LCOR: variants seen among roughly 807,000 people sequenced by gnomAD.
LCOR encodes ligand dependent nuclear receptor corepressor, also known as ligand-dependent corepressor.
In LCOR, 14 loss-of-function variants were observed where a neutral mutation model predicts 64.4. The ratio of observed to expected loss-of-function variants is 0.22; its 90% confidence interval spans 0.14 to 0.34. The LOEUF (loss-of-function observed/expected upper bound fraction) is 0.34. Among genes scored for constraint, LCOR ranks in the 10% least tolerant of loss-of-function variants. LCOR has a pLI of 1.00. For synonymous variants in LCOR, 643 were observed against 642.5 expected, an observed-to-expected ratio of 1.00 and a Z score of -0.01; for missense variants, 1,686 against 1,765.3, an observed-to-expected ratio of 0.96 and a Z score of 0.80.
chr10:96,980,262 C>T (rs142186337), intron 7 of LCOR, among the ~76,000 whole-genome samples: 140 of 152,110 alleles, frequency 9.2e-4, no homozygotes, highest in African/African-American at 3.2e-3. Context: ...TATAAACCCA[C>T]GATTATTTAA....
At chr10:96,966,937 C>T (rs1847957532) in intron 7 of LCOR, among the ~76,000 whole-genome samples, 1 of 152,130 alleles carries the variant, frequency 6.6e-6, no homozygotes, top group African/African-American at 2.4e-5. Flanking sequence ...GGTTTCAGTA[C>T]GTTGCCCTGG....
intron 4 of LCOR, among the ~76,000 whole-genome samples, chr10:96,928,921 G>C (rs1847211742): frequency 6.6e-6 from 1 of 152,178 alleles, no homozygotes; most frequent in African/African-American, 2.4e-5. Flanking sequence ...TTGTCAGTGA[G>C]CAGTAATATT....
chr10:96,887,365 A>G (rs1185176778), intron 2 of LCOR, among the ~76,000 whole-genome samples: 1 of 152,044 alleles, frequency 6.6e-6, no homozygotes, highest in Non-Finnish European at 1.5e-5. Flanking sequence ...CAGGAGATCG[A>G]GACCATCCTA....
intron 2 of LCOR, among the ~76,000 whole-genome samples, chr10:96,837,568 T>A (rs1845468577): frequency 1.3e-5 from 2 of 152,198 alleles, no homozygotes; most frequent in African/African-American, 2.4e-5. Flanking sequence ...AGATTCTTTT[T>A]TAAACCACCT....
Position 96,857,207 on chromosome 10 carries a change from ATAC to A in LCOR, c.-330+23732_-330+23734del, listed in dbSNP as rs574847339. Reference sequence around the variant, plus strand: ...AATAGTGTTGTAATTGTTGGTTATGATACTACAACCCACAAACATGATTTAAGT... The same window carrying A: ...AATAGTGTTGTAATTGTTGGTTATGATACAACCCACAAACATGATTTAAGT... On this transcript the variant is annotated intron_variant, in intron 2 of 7. Transcript: ENST00000421806. 3.5e-3 allele frequency among the ~76,000 whole-genome samples: 528 copies of A among 152,322 alleles called. 3 individuals carry two copies. The highest frequency in any genetic ancestry group is 0.012 in the African/African-American group (489 of 41,574).
chr10:96,886,117 A>G (rs1846339275), intron 2 of LCOR, among the ~76,000 whole-genome samples: 1 of 151,908 alleles, frequency 6.6e-6, no homozygotes, highest in Non-Finnish European at 1.5e-5. Flanking sequence ...GCTTCAAGTG[A>G]TCTGCCCCAC....
chr10:96,939,047 G>A (rs758412379), intron 4 of LCOR, among the ~76,000 whole-genome samples: 7 of 152,196 alleles, frequency 4.6e-5, no homozygotes, highest in Admixed American at 1.3e-4. Context: ...ACTTCAAATA[G>A]TCTAAACAGT....
chr10:96,870,224 G>T (rs1589619125), intron 2 of LCOR, among the ~76,000 whole-genome samples: 1 of 151,948 alleles, frequency 6.6e-6, no homozygotes, highest in South Asian at 2.1e-4. Flanking sequence ...GTTTCACCAG[G>T]ATGGTCTCAA....
In LCOR at chr10:96,912,644, C is replaced by CTTCCTTCCTTCCTTCCTTCA. The variant is rs34590277; in HGVS notation, c.-184+4899_-184+4900insCCTTCCTTCCTTCCTTCATT. Reference sequence around the variant, plus strand: ...CCTTCCTTCCTTCCTTCCTTCCTTCCTTTCCTTCTTTTTCCTTTTTGTAGT... The same window carrying CTTCCTTCCTTCCTTCCTTCA: ...CCTTCCTTCCTTCCTTCCTTCCTTCCTTCCTTCCTTCCTTCCTTCATTTCCTTCTTTTTCCTTTTTGTAGT... On this transcript the variant is annotated intron_variant, in intron 4 of 7. Coordinates refer to ENST00000421806, the MANE Select transcript of LCOR (RefSeq NM_001346516.2). 4.2e-5 allele frequency among the ~76,000 whole-genome samples: 6 copies of CTTCCTTCCTTCCTTCCTTCA among 143,922 alleles called. No homozygotes were observed. The East Asian group carries it at 1.2e-3, about 30-fold the overall frequency. 94.4% of individuals were successfully genotyped at this position (143,922 alleles called of 152,430 possible).
At chr10:96,855,385 C>T (rs1845785688) in intron 2 of LCOR, among the ~76,000 whole-genome samples, 2 of 152,036 alleles carry the variant, frequency 1.3e-5, no homozygotes, top group Non-Finnish European at 2.9e-5. Context: ...GTTTTTATTA[C>T]CTGGAACCAA....
At chr10:96,861,435 C>G (rs1420177217) in intron 2 of LCOR, among the ~76,000 whole-genome samples, 1 of 152,196 alleles carries the variant, frequency 6.6e-6, no homozygotes, top group African/African-American at 2.4e-5. Context: ...ACAATAATCA[C>G]AATCTTCAAC....
At chr10:96,968,348 A>T (rs968879580) in intron 7 of LCOR, among the ~76,000 whole-genome samples, 3 of 152,222 alleles carry the variant, frequency 2.0e-5, no homozygotes, top group African/African-American at 7.2e-5. Flanking sequence ...TCAAGCTAGA[A>T]TTAGAATTAG....
At chr10:96,957,629 A>T in intron 7 of LCOR, 2 of 985,396 alleles carry the variant, frequency 2.0e-6, no homozygotes, top group Non-Finnish European at 2.4e-6. Context: ...TCAGATGGAT[A>T]CTAACAGTTT....
At position 96,995,245 on chromosome 10, in the gene LCOR, T is replaced by G. The variant is rs2060283525; in HGVS notation, c.*10111T>G. On this transcript the variant is annotated 3_prime_UTR_variant, in exon 8 of 8. Transcript: ENST00000421806. The surrounding 1 kb of genome is among the most constrained non-coding windows in gnomAD (Gnocchi z 4.2). Reference sequence around the variant, plus strand: ...ATCTCGTAGTTGTTCAGTTGTGCTCTTTTTGCTGTCTTGTGAGTCTTAGCC... The same window carrying G: ...ATCTCGTAGTTGTTCAGTTGTGCTCGTTTTGCTGTCTTGTGAGTCTTAGCC... The G allele has an allele frequency of 6.6e-6, 1 of 152,274 alleles. No individual in the cohort carries two copies. Among genetic ancestry groups the G allele is most frequent in the Admixed American group, 6.5e-5 (1 of 15,286 alleles). 9.4% of individuals were successfully genotyped at this position (152,274 alleles called of 1,614,324 possible).
At chr10:96,937,012 G>A (rs1210285926) in intron 4 of LCOR, among the ~76,000 whole-genome samples, 1 of 152,126 alleles carries the variant, frequency 6.6e-6, no homozygotes, top group African/African-American at 2.4e-5. Flanking sequence ...GGGTAACTGT[G>A]GAAAGCAAAA....
chr10:96,864,579 A>T (rs73318675), intron 2 of LCOR, among the ~76,000 whole-genome samples: 1 of 152,364 alleles, frequency 6.6e-6, no homozygotes, highest in African/African-American at 2.4e-5. Context: ...AAGGAACCAG[A>T]TAAAAGCTCT....
At chr10:96,838,059 T>C (rs373820435) in intron 2 of LCOR, among the ~76,000 whole-genome samples, 13 of 152,380 alleles carry the variant, frequency 8.5e-5, no homozygotes, top group African/African-American at 2.4e-4. Context: ...TTTACTATTC[T>C]ATACACTTGC....
intron 2 of LCOR, among the ~76,000 whole-genome samples, chr10:96,891,311 C>G (rs1589635535): frequency 6.6e-6 from 1 of 151,750 alleles, no homozygotes; most frequent in Non-Finnish European, 1.5e-5. Context: ...ATGGTATTCT[C>G]TTGTAATCCT....
intron 7 of LCOR, among the ~76,000 whole-genome samples, chr10:96,974,665 A>T (rs1320179872): frequency 6.6e-6 from 1 of 152,230 alleles, no homozygotes; most frequent in East Asian, 1.9e-4. Context: ...ATTCTAAGTT[A>T]ATGCAAGTGC....
Sources: allele counts gnomAD v4.1 joint callset (sites outside exome capture counted in the v4.1 genomes callset), GRCh38; gene constraint gnomAD v4.1.1; non-coding constraint Gnocchi (gnomAD v3.1); transcripts MANE v1.5; gene names NCBI Gene and HGNC (gene_info 2026-07-23, HGNC 2026-07-21).